PARVA: variants seen among roughly 807,000 people sequenced by gnomAD.
The protein encoded by PARVA is alpha-parvin.
In PARVA, 25 loss-of-function variants were observed where a neutral mutation model predicts 52.6. The observed-to-expected ratio is 0.48, with a 90% CI of 0.35 to 0.66. The LOEUF is 0.66. Among genes scored for constraint, PARVA ranks in the 30% least tolerant of loss-of-function variants. The probability of loss-of-function intolerance (pLI) is 0.01; values close to 1 mark genes in which losing one functional copy is unlikely to be tolerated. For synonymous variants in PARVA, 185 were observed against 179.1 expected (o/e 1.03, Z -0.26); for missense variants, 373 against 450.9 (o/e 0.83, Z 1.56).
At chr11:12,474,523 C>T (rs143473143) in intron 3 of PARVA, among the ~76,000 whole-genome samples, 1 of 152,236 alleles carries the variant, frequency 6.6e-6, no homozygotes, top group Non-Finnish European at 1.5e-5. Context: ...TCCTATGTTC[C>T]TCCTCTTCAG....
At chr11:12,390,163 C>T (rs1565324584) in intron 1 of PARVA, among the ~76,000 whole-genome samples, 1 of 152,190 alleles carries the variant, frequency 6.6e-6, no homozygotes, top group East Asian at 1.9e-4. Flanking sequence ...TTCCAGGAAA[C>T]ATTCATAGGC....
intron 1 of PARVA, among the ~76,000 whole-genome samples, chr11:12,466,869 A>G (rs1359947818): frequency 6.6e-6 from 1 of 152,178 alleles, no homozygotes; most frequent in Non-Finnish European, 1.5e-5. Context: ...TGGCTACTCT[A>G]GGTCTCTCGC....
intron 1 of PARVA, among the ~76,000 whole-genome samples, chr11:12,405,122 T>G (rs1939884165): frequency 6.6e-6 from 1 of 152,074 alleles, no homozygotes; most frequent in Admixed American, 6.5e-5. Flanking sequence ...TTTGAGAGAA[T>G]AGGCTTTTTC....
At chr11:12,496,396 A>G in intron 4 of PARVA, 62 bp from the exon 5 acceptor site, 1 of 1,537,824 alleles carries the variant, frequency 6.5e-7, no homozygotes, top group South Asian at 1.2e-5. Context: ...GAGTAAGTGC[A>G]TGCAGTAGGG....
At chr11:12,405,232 G>T (rs1354143044) in intron 1 of PARVA, among the ~76,000 whole-genome samples, 1 of 152,188 alleles carries the variant, frequency 6.6e-6, no homozygotes, top group Non-Finnish European at 1.5e-5. Context: ...TCAGATTTTT[G>T]ATGTGAGATG....
chr11:12,448,630 TCAGA>T (rs1940579740), intron 1 of PARVA, among the ~76,000 whole-genome samples: 1 of 152,166 alleles, frequency 6.6e-6, no homozygotes, highest in South Asian at 2.1e-4. Flanking sequence ...TGCCCTGGGA[TCAGA>T]CAGTGATGCT....
At chr11:12,435,521 G>T (rs1940375400) in intron 1 of PARVA, among the ~76,000 whole-genome samples, 1 of 152,216 alleles carries the variant, frequency 6.6e-6, no homozygotes. Flanking sequence ...GATAGCAAGT[G>T]CTTGTGTTTG....
intron 10 of PARVA, among the ~76,000 whole-genome samples, chr11:12,514,272 A>G (rs889568821): frequency 6.6e-5 from 10 of 152,152 alleles, no homozygotes; most frequent in African/African-American, 2.4e-4. Flanking sequence ...ATACTCATAT[A>G]CCCTTCACTG....
intron 4 of PARVA, among the ~76,000 whole-genome samples, chr11:12,490,664 C>A (rs1159402875): frequency 6.6e-6 from 1 of 151,824 alleles, no homozygotes; most frequent in Non-Finnish European, 1.5e-5. Context: ...ACCTAAAATG[C>A]AATAGTGAAC....
intron 1 of PARVA, among the ~76,000 whole-genome samples, chr11:12,384,307 A>G (rs1470502494): frequency 1.3e-5 from 2 of 152,132 alleles, no homozygotes; most frequent in Non-Finnish European, 2.9e-5. Context: ...GTCTTTTCTT[A>G]TCTCCCAGTC....
rs141122688 is a variant in PARVA, at chr11:12,476,494, A to G, written c.298-1353A>G. Among the ~76,000 whole-genome samples, 535 of 152,062 alleles carry G rather than the reference A, an allele frequency of 3.5e-3. 3 individuals carry two copies. Among genetic ancestry groups the G allele is most frequent in the African/African-American group, 0.012 (498 of 41,440 alleles). ...GGCAACATAGCAAGACCCTGCCTCA[A>G]AAGGAAAAAAAAAAAAGTCTCCTCA... On this transcript the variant is annotated intron_variant, in intron 3 of 12. Transcript: ENST00000334956.
intron 4 of PARVA, among the ~76,000 whole-genome samples, chr11:12,490,889 A>C (rs1941226778): frequency 6.6e-6 from 1 of 152,200 alleles, no homozygotes. Context: ...AGACTTTATT[A>C]AGTTAAATAT....
intron 1 of PARVA, among the ~76,000 whole-genome samples, chr11:12,450,238 C>T (rs1420223431): frequency 6.6e-6 from 1 of 152,206 alleles, no homozygotes; most frequent in Admixed American, 6.5e-5. Context: ...CATATTGACT[C>T]ATTTCATCTT....
intron 1 of PARVA, among the ~76,000 whole-genome samples, chr11:12,387,357 G>A (rs187657021): frequency 6.6e-5 from 10 of 152,244 alleles, no homozygotes; most frequent in African/African-American, 1.2e-4. Flanking sequence ...GAGGGTAGCC[G>A]TTGTGTGGTA....
intron 1 of PARVA, among the ~76,000 whole-genome samples, chr11:12,393,314 G>T (rs914189623): frequency 2.0e-5 from 3 of 152,120 alleles, no homozygotes; most frequent in Non-Finnish European, 2.9e-5. Context: ...TAGCATCTTT[G>T]CCCCTTTACA....
chr11:12,461,099 C>T (rs78220143), intron 1 of PARVA, among the ~76,000 whole-genome samples: 1,569 of 152,240 alleles, frequency 0.01, 6 homozygotes, highest in Non-Finnish European at 0.015. Context: ...TGCTGGGCTC[C>T]GAGGGCCAAC....
chr11:12,505,310 T>C (rs1941420193), intron 6 of PARVA, among the ~76,000 whole-genome samples: 2 of 152,068 alleles, frequency 1.3e-5, no homozygotes, highest in Admixed American at 1.3e-4. Flanking sequence ...TGCCATCCCT[T>C]GATAAGAAAA....
intron 1 of PARVA, among the ~76,000 whole-genome samples, chr11:12,425,562 T>A (rs984792180): frequency 6.6e-6 from 1 of 152,214 alleles, no homozygotes; most frequent in African/African-American, 2.4e-5. Flanking sequence ...TCTTTGTGAT[T>A]CTCCCTGAGT....
Position 12,533,190 on chromosome 11 carries a change from G to A in PARVA, c.*5265G>A, listed in dbSNP as rs192767315. 1.8e-4 allele frequency among the ~76,000 whole-genome samples: 27 copies of A among 152,178 alleles called. No homozygotes were observed. Among genetic ancestry groups the A allele is most frequent in the African/African-American group, 6.5e-4 (27 of 41,442 alleles). ...GTCCTGAGAAGAGCTAGGGGAACTG[G>A]ACAGAGTGGACGAGGCTGCATGTGT... On this transcript the variant is annotated 3_prime_UTR_variant, in exon 13 of 13. Coordinates refer to ENST00000334956, the MANE Select transcript of PARVA (RefSeq NM_018222.5).
Sources: gnomAD v4.1 joint callset for allele counts (sites outside exome capture counted in the v4.1 genomes callset) on GRCh38, gnomAD v4.1.1 for gene constraint, MANE v1.5 for transcripts, NCBI Gene and HGNC (gene_info 2026-07-23, HGNC 2026-07-21) for gene names.